CA12: variants seen among roughly 807,000 people sequenced by gnomAD.
CA12 encodes the protein carbonate dehydratase XII.
A neutral mutation model predicts 46.8 loss-of-function variants in CA12; 36 were observed. The ratio of observed to expected loss-of-function variants is 0.77; its 90% CI spans 0.59 to 1.02. CA12 has a LOEUF of 1.02. Among genes scored for constraint, CA12 ranks in the 50% least tolerant of loss-of-function variants. The probability of loss-of-function intolerance (pLI) is 0.00; values close to 1 mark genes in which losing one functional copy is unlikely to be tolerated. For missense variants in CA12, 436 were observed against 451.4 expected, an observed-to-expected ratio of 0.97 and a Z score of 0.31; for synonymous variants, 202 against 187.0, an observed-to-expected ratio of 1.08 and a Z score of -0.65.
rs573892832 is a variant in CA12 at position 63,372,931 on chromosome 15, G to T, written c.106+2727C>A. 2.1e-4 allele frequency among the ~76,000 whole-genome samples: 32 copies of T among 152,204 alleles called. No homozygotes were observed. The highest frequency in any genetic ancestry group is 1.0e-3 in the South Asian group (5 of 4,830). ...CCCTCTGCTTCCTCAGCAAAGAGCTGCTCTAATTATGCAGGGTAGGAGGGA... is the reference window on the plus strand; with the variant it reads ...CCCTCTGCTTCCTCAGCAAAGAGCTTCTCTAATTATGCAGGGTAGGAGGGA... On this transcript the variant is annotated intron_variant, in intron 2 of 10. Transcript: ENST00000178638. This position sits in a 1 kb window ranked among gnomAD's most constrained non-coding sequence, Gnocchi z 4.5.
intron 2 of CA12, among the ~76,000 whole-genome samples, chr15:63,349,767 C>T (rs1295996620): frequency 1.3e-5 from 2 of 152,166 alleles, no homozygotes; most frequent in African/African-American, 2.4e-5. Context: ...GGCTTCCCCA[C>T]GCTGTCCTTG....
chr15:63,364,788 C>A (rs1176759856), intron 2 of CA12, among the ~76,000 whole-genome samples: 1 of 152,216 alleles, frequency 6.6e-6, no homozygotes, highest in Non-Finnish European at 1.5e-5. Flanking sequence ...TGCTAATCAC[C>A]GCACTCCCTC....
Position 63,342,017 on chromosome 15 carries a change from C to T in CA12, c.510G>A (p.Leu170=). 1 of 1,613,260 alleles carries T rather than the reference C, an allele frequency of 6.2e-7. No individual in the cohort carries two copies. Among genetic ancestry groups the T allele is most frequent in the Non-Finnish European group, 8.5e-7 (1 of 1,179,224 alleles). ...ASNKSEGLAV[L]AVLIEMGSFN... is the part of the protein sequence containing the mutation. ...TATCTCTTACCTCAATGAGAACAGC[C>T]AGGACAGCGAGGCCTTCTGACTTGT... The change falls in exon 5 of 11, where the codon CTG becomes CTA. Residue 170 remains leucine (L), a synonymous_variant. Transcript: ENST00000178638.
Position 63,348,237 on chromosome 15 carries a change from C to T in CA12, c.107-1528G>A, listed in dbSNP as rs2039179235. 6.6e-6 allele frequency among the ~76,000 whole-genome samples: 1 copy of T among 152,214 alleles called. No homozygotes were observed. Among genetic ancestry groups the T allele is most frequent in the South Asian group, 2.1e-4 (1 of 4,830 alleles). ...ATCTCCAGTCCAACCTTTCACTGGACACCAGTCTTCTCACTTGGGCATGGC... is the reference window on the plus strand; with the variant it reads ...ATCTCCAGTCCAACCTTTCACTGGATACCAGTCTTCTCACTTGGGCATGGC... On this transcript the variant is annotated intron_variant, in intron 2 of 10. Coordinates refer to ENST00000178638, the MANE Select transcript of CA12 (RefSeq NM_001218.5). The surrounding 1 kb of genome is among the most constrained non-coding windows in gnomAD (Gnocchi z 4.6).
At position 63,340,980 on chromosome 15, in the gene CA12, G is replaced by A. The variant is rs764842995; in HGVS notation, c.526-197C>T. ...GGTCCTGCCTCTTGCATCTCAGGACGTCCTGTTTTCAGCTTAAGGAGTTGG... is the reference window on the plus strand; with the variant it reads ...GGTCCTGCCTCTTGCATCTCAGGACATCCTGTTTTCAGCTTAAGGAGTTGG... On this transcript the variant is annotated intron_variant, in intron 5 of 10. Coordinates refer to ENST00000178638, the MANE Select transcript of CA12 (RefSeq NM_001218.5). This position sits in a 1 kb window ranked among gnomAD's most constrained non-coding sequence, Gnocchi z 4.4. Among the ~76,000 whole-genome samples, 3 of 152,144 alleles carry A rather than the reference G, an allele frequency of 2.0e-5. No homozygotes were observed. The highest frequency in any genetic ancestry group is 2.1e-4 in the South Asian group (1 of 4,822).
chr15:63,332,557 G>A (rs1460533745), intron 8 of CA12, among the ~76,000 whole-genome samples: 1 of 152,220 alleles, frequency 6.6e-6, no homozygotes, highest in African/African-American at 2.4e-5. Flanking sequence ...AAGAATGGGT[G>A]GTGGGACGGG....
intron 2 of CA12, among the ~76,000 whole-genome samples, chr15:63,362,315 A>G (rs2039373622): frequency 6.6e-6 from 1 of 152,248 alleles, no homozygotes; most frequent in Non-Finnish European, 1.5e-5. Context: ...TAGACAAAGG[A>G]ACCCAGGCAC....
intron 1 of CA12, among the ~76,000 whole-genome samples, chr15:63,377,364 G>A (rs762384525): frequency 7.1e-4 from 108 of 152,252 alleles, no homozygotes; most frequent in Non-Finnish European, 1.4e-3. Flanking sequence ...CCTTTCTCTC[G>A]TGGGAATTAG....
At chr15:63,361,447 T>G (rs1346792404) in intron 2 of CA12, among the ~76,000 whole-genome samples, 1 of 152,094 alleles carries the variant, frequency 6.6e-6, no homozygotes, top group Admixed American at 6.6e-5. Flanking sequence ...CTGAAGACAT[T>G]TTCAGCTGTC....
intron 2 of CA12, among the ~76,000 whole-genome samples, chr15:63,369,237 C>G (rs796286485): frequency 1.1e-4 from 17 of 152,308 alleles, no homozygotes; most frequent in African/African-American, 4.1e-4. Context: ...TGTAAAAACT[C>G]ACAATTCAGA....
At position 63,324,294 on chromosome 15, in the gene CA12, G is replaced by C. The variant is rs954617092; in HGVS notation, c.*1991C>G. On this transcript the variant is annotated 3_prime_UTR_variant, in exon 11 of 11. Transcript: ENST00000178638. ...CTTTTCATGAACAGCCCTTGTGCCA[G>C]GTACAATGGTCTCTCTGTTCTCTCA... is the stretch of plus-strand genomic sequence containing the variant. 6.6e-6 allele frequency: 1 copy of C among 152,204 alleles called. No individual in the cohort carries two copies. Among genetic ancestry groups the C allele is most frequent in the African/African-American group, 2.4e-5 (1 of 41,410 alleles). The allele number at this position is 152,204 out of a possible 1,614,324, so 9.4% of individuals were successfully genotyped here. A position where few individuals can be genotyped will look rare whatever the true frequency, so the allele number is the denominator to read the frequency against.
chr15:63,329,886 G>C lies in CA12; in HGVS notation c.875-1756C>G, dbSNP rs1229458889. ...TGATTCCCCAGGAGCCATCAGCCGT[G>C]TGCTTTTCCGATTGTCTTTTTCTGC... is the stretch of plus-strand genomic sequence containing the variant. On this transcript the variant is annotated intron_variant, in intron 8 of 10. Coordinates refer to ENST00000178638, the MANE Select transcript of CA12 (RefSeq NM_001218.5). The surrounding 1 kb of genome is among the most constrained non-coding windows in gnomAD (Gnocchi z 4.8). 6.6e-6 allele frequency among the ~76,000 whole-genome samples: 1 copy of C among 152,174 alleles called. No individual in the cohort carries two copies. The highest frequency in any genetic ancestry group is 1.5e-5 in the Non-Finnish European group (1 of 68,026).
intron 1 of CA12, among the ~76,000 whole-genome samples, chr15:63,381,349 C>G (rs1197103624): frequency 1.3e-5 from 2 of 152,188 alleles, no homozygotes; most frequent in Non-Finnish European, 2.9e-5. Flanking sequence ...TGCATCTCCT[C>G]CCTGGTTAGC....
chr15:63,331,898 C>T lies in CA12; in HGVS notation c.875-3768G>A, dbSNP rs537968586. The T allele has an allele frequency of 1.4e-4, 22 of 152,326 alleles. No individual in the cohort carries two copies. Among genetic ancestry groups the T allele is most frequent in the African/African-American group, 4.3e-4 (18 of 41,580 alleles). 9.4% of individuals were successfully genotyped at this position (152,326 alleles called of 1,614,324 possible). A position where few individuals can be genotyped will look rare whatever the true frequency, so the allele number is the denominator to read the frequency against. On this transcript the variant is annotated intron_variant, in intron 8 of 10. Coordinates refer to ENST00000178638, the MANE Select transcript of CA12 (RefSeq NM_001218.5). This position sits in a 1 kb window ranked among gnomAD's most constrained non-coding sequence, Gnocchi z 5.3. ...AGTCCAGCACGAGGAACAAGCACCT[C>T]ACTTTCACATCTGGAGGTTCCTGGA...
At chr15:63,377,298 G>A (rs1044043862) in intron 1 of CA12, among the ~76,000 whole-genome samples, 8 of 151,996 alleles carry the variant, frequency 5.3e-5, no homozygotes, top group East Asian at 3.9e-4. Flanking sequence ...CGTGGTTCTC[G>A]ACCCACAAGG....
chr15:63,327,287 G>T lies in CA12; in HGVS notation c.908-54C>A. ...CATTCCTTCCTTCCCCTCCATCTTA[G>T]CCCATGGCCCCCGGGTGTGAAATCA... is the stretch of plus-strand genomic sequence containing the variant. On this transcript the variant is annotated intron_variant, in intron 9 of 10. Transcript: ENST00000178638. This position sits in a 1 kb window ranked among gnomAD's most constrained non-coding sequence, Gnocchi z 4.5. The T allele has an allele frequency of 7.1e-7, 1 of 1,415,430 alleles. No homozygotes were observed. Among genetic ancestry groups the T allele is most frequent in the Non-Finnish European group, 9.9e-7 (1 of 1,009,442 alleles). 87.7% of individuals were successfully genotyped at this position (1,415,430 alleles called of 1,614,324 possible).
Position 63,381,809 on chromosome 15 carries a change from G to T in CA12, c.-89C>A. ...CCAGCTGCACACCGGGACCGCGTGC[G>T]CGCAGCCTGGGTGCCGTGGCGAGTA... On this transcript the variant is annotated 5_prime_UTR_variant, in exon 1 of 11. Transcript: ENST00000178638. 1 of 865,446 alleles carries T rather than the reference G, an allele frequency of 1.2e-6. No homozygotes were observed. The highest frequency in any genetic ancestry group is 1.6e-6 in the Non-Finnish European group (1 of 608,338). The allele number at this position is 865,446 out of a possible 1,614,324, so 53.6% of individuals were successfully genotyped here. A position where few individuals can be genotyped will look rare whatever the true frequency, so the allele number is the denominator to read the frequency against.
chr15:63,375,698 G>T lies in CA12; in HGVS notation c.86-20C>A, dbSNP rs1039996822. On this transcript the variant is annotated intron_variant, in intron 1 of 10. Transcript: ENST00000178638. ...TGGAACCTACAAAGAACAAAACACA[G>T]TAAGTAAGTACAATGGAACCAGATG... The T allele has an allele frequency of 2.5e-6, 4 of 1,570,204 alleles. No homozygotes were observed. The highest frequency in any genetic ancestry group is 3.5e-6 in the Non-Finnish European group (4 of 1,142,732).
rs761006401 is a variant in CA12, at chr15:63,381,747, C to T, written c.-27G>A. The T allele has an allele frequency of 1.3e-6, 2 of 1,517,648 alleles. No individual in the cohort carries two copies. Among genetic ancestry groups the T allele is most frequent in the Non-Finnish European group, 1.8e-6 (2 of 1,123,458 alleles). 94.0% of individuals were successfully genotyped at this position (1,517,648 alleles called of 1,614,324 possible). A position where few individuals can be genotyped will look rare whatever the true frequency, so the allele number is the denominator to read the frequency against. On this transcript the variant is annotated 5_prime_UTR_variant, in exon 1 of 11. Coordinates refer to ENST00000178638, the MANE Select transcript of CA12 (RefSeq NM_001218.5). ...TTCGCGGGCTCCTGCGGGGCGGGCG[C>T]GGGCTGTGCCGGGGGCTCCCGGTGG...
Sources: allele counts gnomAD v4.1 joint callset (sites outside exome capture counted in the v4.1 genomes callset), GRCh38; gene constraint gnomAD v4.1.1; non-coding constraint Gnocchi (gnomAD v3.1); transcripts MANE v1.5; gene names NCBI Gene and HGNC (gene_info 2026-07-23, HGNC 2026-07-21).